The following PRELID3A variants were observed in gnomAD, a reference collection of about 807,000 sequenced individuals.
PRELID3A encodes PRELI domain containing 3A.
Under a neutral mutation model 23.0 loss-of-function variants are expected in PRELID3A, and 27 were observed. The observed-to-expected ratio is 1.17, with a 90% CI of 0.87 to 1.62. PRELID3A has a LOEUF of 1.62. Ranked by LOEUF, PRELID3A falls within the 40% of genes most tolerant of loss-of-function variation. The pLI, the probability that PRELID3A is intolerant of heterozygous loss-of-function variation, is 0.00. For missense variants in PRELID3A, 231 were observed against 231.4 expected, an observed-to-expected ratio of 1.00 and a Z score of 0.01; for synonymous variants, 87 against 86.4, an observed-to-expected ratio of 1.01 and a Z score of -0.04.
At chr18:12,420,541 TCCCGCC>T in intron 2 of PRELID3A, 48 bp downstream of exon 2, 2 of 1,433,708 alleles carry the variant, frequency 1.4e-6, no homozygotes, top group Non-Finnish European at 1.8e-6. Flanking sequence ...ACTCCCCCAC[TCCCGCC>T]CCCGCCCTCT....
intron 1 of PRELID3A, among the ~76,000 whole-genome samples, chr18:12,416,799 CCG>C: frequency 6.6e-6 from 1 of 152,030 alleles, no homozygotes; most frequent in African/African-American, 2.4e-5. Context: ...ACGCCTGCCA[CCG>C]TGCCCGGCTA....
chr18:12,425,464 CAA>C (rs1235020532), intron 3 of PRELID3A, among the ~76,000 whole-genome samples: 149 of 93,166 alleles, frequency 1.6e-3, no homozygotes, highest in East Asian at 6.2e-3. Flanking sequence ...ACTAAAAATA[CAA>C]AAAAAAAAAA....
intron 1 of PRELID3A, among the ~76,000 whole-genome samples, chr18:12,416,072 G>A (rs557820878): frequency 3.3e-5 from 5 of 152,282 alleles, no homozygotes; most frequent in Admixed American, 1.3e-4. Flanking sequence ...TTCCTCTTCT[G>A]CCTCAACCAG....
At chr18:12,420,981 C>A (rs1308301946) in intron 2 of PRELID3A, among the ~76,000 whole-genome samples, 1 of 152,158 alleles carries the variant, frequency 6.6e-6, no homozygotes, top group Non-Finnish European at 1.5e-5. Context: ...CAGCCGCATC[C>A]TAGGGCACCG....
Position 12,431,726 on chromosome 18 carries a change from T to G in PRELID3A, c.*610T>G, listed in dbSNP as rs946070725. 6.6e-6 allele frequency: 1 copy of G among 152,356 alleles called. No homozygotes were observed. Among genetic ancestry groups the G allele is most frequent in the South Asian group, 2.1e-4 (1 of 4,840 alleles). 9.4% of individuals were successfully genotyped at this position (152,356 alleles called of 1,614,324 possible). ...TTTCCTGGAGTGGCTAAGCCTCTCC[T>G]GACGAGGCTCCTCATGCGGGGAGAG... On this transcript the variant is annotated 3_prime_UTR_variant, in exon 7 of 7. Coordinates refer to ENST00000440960, the MANE Select transcript of PRELID3A (RefSeq NM_001142405.2).
Position 12,425,631 on chromosome 18 carries a change from C to CA in PRELID3A, c.292-1396dup, listed in dbSNP as rs571738773. ...TGGGCGACAGAGCGAGACTCCATCT[C>CA]AAAAAAAAAAAAAAGTAGAAAATAT... On this transcript the variant is annotated intron_variant, in intron 3 of 6. Coordinates refer to ENST00000440960, the MANE Select transcript of PRELID3A (RefSeq NM_001142405.2). Among the ~76,000 whole-genome samples, 315 of 122,412 alleles carry CA rather than the reference C, an allele frequency of 2.6e-3. 2 individuals carry two copies. The highest frequency in any genetic ancestry group is 0.013 in the South Asian group (47 of 3,702). The allele number at this position is 122,412 out of a possible 152,430, so 80.3% of individuals were successfully genotyped here.
At chr18:12,408,250 C>A (rs1198064732) in intron 1 of PRELID3A, among the ~76,000 whole-genome samples, 1 of 151,636 alleles carries the variant, frequency 6.6e-6, no homozygotes, top group East Asian at 1.9e-4. Context: ...TGCGCAGGGG[C>A]CTGGCTGCAG....
At chr18:12,410,285 C>T (rs952558484) in intron 1 of PRELID3A, among the ~76,000 whole-genome samples, 3 of 152,258 alleles carry the variant, frequency 2.0e-5, no homozygotes, top group African/African-American at 7.2e-5. Flanking sequence ...CCTTCCAGGA[C>T]AGGGGCAGCT....
intron 3 of PRELID3A, among the ~76,000 whole-genome samples, chr18:12,422,856 C>T (rs183761467): frequency 2.0e-5 from 3 of 152,310 alleles, no homozygotes; most frequent in Admixed American, 2.0e-4. Flanking sequence ...CAGCGGTGCC[C>T]TCATCTGGCC....
chr18:12,411,234 G>A (rs894998973), intron 1 of PRELID3A, among the ~76,000 whole-genome samples: 2 of 151,258 alleles, frequency 1.3e-5, no homozygotes, highest in African/African-American at 4.9e-5. Context: ...AAATGCGGGC[G>A]TTTCACAAGG....
intron 1 of PRELID3A, chr18:12,410,752 A>ATG: frequency 6.6e-6 from 1 of 151,856 alleles, no homozygotes; most frequent in Non-Finnish European, 1.5e-5. Flanking sequence ...GCTGGAGTGC[A>ATG]GTGGCACGAT....
intron 1 of PRELID3A, 36 bp from the exon 2 acceptor site, chr18:12,420,289 G>A: frequency 6.4e-7 from 1 of 1,559,898 alleles, no homozygotes; most frequent in Non-Finnish European, 8.7e-7. Context: ...CCCCGGCCCC[G>A]GCGCTTGCTC....
intron 6 of PRELID3A, among the ~76,000 whole-genome samples, 166 bp downstream of exon 6, chr18:12,429,602 T>C (rs1330826436): frequency 2.0e-5 from 3 of 152,220 alleles, no homozygotes; most frequent in African/African-American, 7.2e-5. Flanking sequence ...GTTCATCCTC[T>C]TTCTATTTCA....
chr18:12,420,642 T>A, intron 2 of PRELID3A, 149 bp downstream of exon 2: 3 of 573,484 alleles, frequency 5.2e-6, no homozygotes, highest in Non-Finnish European at 7.6e-6. Context: ...TTTCCTGAGA[T>A]CAGGGGGCGC....
rs2030479796 is a variant in PRELID3A at position 12,429,229 on chromosome 18, G to A, written c.466-121G>A. The A allele has an allele frequency of 1.2e-5, 9 of 781,530 alleles. No individual in the cohort carries two copies. In the Admixed American group the frequency reaches 1.6e-4, roughly 14 times the overall value. The allele number at this position is 781,530 out of a possible 1,614,324, so 48.4% of individuals were successfully genotyped here. A position where few individuals can be genotyped will look rare whatever the true frequency, so the allele number is the denominator to read the frequency against. On this transcript the variant is annotated intron_variant, in intron 5 of 6. Transcript: ENST00000440960. Reference sequence around the variant, plus strand: ...GTGAAGATCACTCGGAAAGGTCACTGCTGTGTCTCCTTGTAACTGCAGCGC... The same window carrying A: ...GTGAAGATCACTCGGAAAGGTCACTACTGTGTCTCCTTGTAACTGCAGCGC...
intron 1 of PRELID3A, among the ~76,000 whole-genome samples, chr18:12,412,171 T>G (rs1459921936): frequency 6.6e-6 from 1 of 150,978 alleles, no homozygotes; most frequent in Non-Finnish European, 1.5e-5. Context: ...ATTACAGGCA[T>G]GAGCCACGGC....
At chr18:12,411,869 C>T (rs1309937314) in intron 1 of PRELID3A, among the ~76,000 whole-genome samples, 14 of 151,976 alleles carry the variant, frequency 9.2e-5, no homozygotes, top group African/African-American at 1.4e-4. Flanking sequence ...TTCACTTTAC[C>T]GCATCTGTGT....
chr18:12,415,075 C>G (rs1008831225), intron 1 of PRELID3A, among the ~76,000 whole-genome samples: 1 of 151,832 alleles, frequency 6.6e-6, no homozygotes, highest in South Asian at 2.1e-4. Flanking sequence ...ACTATGGTTG[C>G]GAGCTACCAC....
Position 12,432,127 on chromosome 18 carries a change from G to C in PRELID3A, c.*1011G>C, listed in dbSNP as rs1276064928. On this transcript the variant is annotated 3_prime_UTR_variant, in exon 7 of 7. Coordinates refer to ENST00000440960, the MANE Select transcript of PRELID3A (RefSeq NM_001142405.2). ...GGTAAAGGCCTCCCGCAAGCTGCCA[G>C]TCGGCTCTTTTTCGCAAAGCCTTCC... 2 of 152,268 alleles carry C rather than the reference G, an allele frequency of 1.3e-5. No individual in the cohort carries two copies. The highest frequency in any genetic ancestry group is 6.5e-5 in the Admixed American group (1 of 15,288). 9.4% of individuals were successfully genotyped at this position (152,268 alleles called of 1,614,324 possible).
Sources: allele counts gnomAD v4.1 joint callset (sites outside exome capture counted in the v4.1 genomes callset), GRCh38; gene constraint gnomAD v4.1.1; transcripts MANE v1.5; gene names NCBI Gene and HGNC (gene_info 2026-07-23, HGNC 2026-07-21).